Variants in ACACA observed in about 807,000 individuals in gnomAD.
ACACA encodes acetyl-CoA carboxylase alpha, also known as acetyl-CoA carboxylase 1.
In ACACA, 103 loss-of-function variants were observed where a neutral mutation model predicts 296.1. That is an observed-to-expected ratio of 0.35 (90% CI 0.30 to 0.41). ACACA has a LOEUF of 0.41. Among genes scored for constraint, ACACA ranks in the 10% least tolerant of loss-of-function variants. The pLI is 1.00. For synonymous variants in ACACA, 953 were observed against 1,038.6 expected (o/e 0.92, Z 1.58); for missense variants, 1,554 against 2,989.7 (o/e 0.52, Z 11.20).
At chr17:37,143,173 C>T (rs954649944) in intron 45 of ACACA, among the ~76,000 whole-genome samples, 1 of 150,266 alleles carries the variant, frequency 6.7e-6, no homozygotes, top group Non-Finnish European at 1.5e-5. Flanking sequence ...TAAACCTGGG[C>T]AGCCTGGCTC....
chr17:37,340,617 A>G (rs2048336425), intron 1 of ACACA, among the ~76,000 whole-genome samples: 1 of 152,214 alleles, frequency 6.6e-6, no homozygotes, highest in South Asian at 2.1e-4. Context: ...TTACACTGGT[A>G]GGGAAATCTA....
intron 27 of ACACA, among the ~76,000 whole-genome samples, chr17:37,224,509 G>A (rs764558787): frequency 5.9e-5 from 9 of 151,900 alleles, no homozygotes; most frequent in Non-Finnish European, 1.3e-4. Context: ...TCTTAAAAAC[G>A]GGCTTCTTAT....
intron 3 of ACACA, among the ~76,000 whole-genome samples, chr17:37,323,964 C>T (rs1224321929): frequency 1.3e-5 from 2 of 152,206 alleles, no homozygotes; most frequent in East Asian, 1.9e-4. Context: ...GTCCACTGGC[C>T]GGGCGCCTGT....
At position 37,243,729 on chromosome 17, in the gene ACACA, TG is replaced by T. The variant is rs2080537797; in HGVS notation, c.2743-171del. ...CGGAACCCATGTATAGAAATAGTTG[TG>T]GGTTCCATATCTCATCAATACTGTA... is the stretch of plus-strand genomic sequence containing the variant. On this transcript the variant is annotated intron_variant, in intron 21 of 55. Transcript: ENST00000616317. 5.3e-5 allele frequency among the ~76,000 whole-genome samples: 8 copies of T among 152,322 alleles called. No homozygotes were observed. In the South Asian group the frequency reaches 1.7e-3, roughly 32 times the overall value.
Position 37,224,651 on chromosome 17 carries a change from G to A in ACACA, c.3474+341C>T, listed in dbSNP as rs1393855624. On this transcript the variant is annotated intron_variant, in intron 27 of 55. Transcript: ENST00000616317. ...CATAAATCATCAGAGAAATGTGTGT[G>A]TGTATATATATATATATATCAGAAA... Among the ~76,000 whole-genome samples the A allele has an allele frequency of 3.9e-5, 6 of 152,046 alleles. No individual in the cohort carries two copies. In the East Asian group the frequency reaches 1.2e-3, roughly 29 times the overall value.
chr17:37,296,441 G>A (rs1031456430), intron 3 of ACACA, among the ~76,000 whole-genome samples: 1 of 151,630 alleles, frequency 6.6e-6, no homozygotes, highest in African/African-American at 2.4e-5. Context: ...GAGTAGCTGG[G>A]ACTAGAGGCG....
chr17:37,243,918 T>A (rs1194657321), intron 21 of ACACA, among the ~76,000 whole-genome samples: 1 of 152,222 alleles, frequency 6.6e-6, no homozygotes, highest in Non-Finnish European at 1.5e-5. Context: ...CTTGCTATGT[T>A]GATCAGGCTG....
intron 51 of ACACA, among the ~76,000 whole-genome samples, chr17:37,111,881 C>T (rs374934551): frequency 2.0e-5 from 3 of 152,114 alleles, no homozygotes; most frequent in Non-Finnish European, 2.9e-5. Context: ...CCACACCAGT[C>T]GACTTCCATT....
intron 45 of ACACA, among the ~76,000 whole-genome samples, chr17:37,137,758 T>A (rs1311033009): frequency 2.6e-5 from 4 of 152,176 alleles, no homozygotes; most frequent in Non-Finnish European, 5.9e-5. Context: ...ATTCTTTACA[T>A]GGGCTAAAAT....
chr17:37,362,324 A>T (rs1313271059), intron 1 of ACACA, among the ~76,000 whole-genome samples: 1 of 152,202 alleles, frequency 6.6e-6, no homozygotes, highest in African/African-American at 2.4e-5. Context: ...TTAGGGACTC[A>T]TCCTGAGCAT....
intron 52 of ACACA, among the ~76,000 whole-genome samples, chr17:37,103,556 A>G (rs1301479245): frequency 1.3e-5 from 2 of 152,230 alleles, no homozygotes; most frequent in Admixed American, 6.5e-5. Context: ...ATTCTTTTCT[A>G]GAATTCTACA....
intron 14 of ACACA, among the ~76,000 whole-genome samples, chr17:37,254,079 A>G (rs999454927): frequency 3.9e-5 from 6 of 152,096 alleles, no homozygotes; most frequent in African/African-American, 1.5e-4. Context: ...ACTTCCACAA[A>G]TACTAATTAT....
chr17:37,186,597 A>G (rs1598108145), intron 39 of ACACA, among the ~76,000 whole-genome samples: 1 of 152,352 alleles, frequency 6.6e-6, no homozygotes, highest in South Asian at 2.1e-4. Context: ...GTCAGTTCCC[A>G]CGTCTAGCCA....
intron 54 of ACACA, among the ~76,000 whole-genome samples, chr17:37,095,932 C>G (rs534387198): frequency 6.6e-6 from 1 of 152,290 alleles, no homozygotes; most frequent in South Asian, 2.1e-4. Context: ...ATCCCCAACA[C>G]TGAGGCTAGA....
chr17:37,393,843 T>C (rs2050982285), intron 1 of ACACA, among the ~76,000 whole-genome samples: 1 of 152,006 alleles, frequency 6.6e-6, no homozygotes, highest in South Asian at 2.1e-4. Context: ...GAGTATAATT[T>C]GGGTAACATT....
At chr17:37,142,015 T>TG (rs1489826549) in intron 45 of ACACA, among the ~76,000 whole-genome samples, 4 of 151,502 alleles carry the variant, frequency 2.6e-5, no homozygotes, top group African/African-American at 9.7e-5. Flanking sequence ...TTTTTTTGTT[T>TG]TTTTTTTTTT....
intron 29 of ACACA, among the ~76,000 whole-genome samples, chr17:37,215,439 A>T (rs1488822189): frequency 6.6e-6 from 1 of 152,204 alleles, no homozygotes; most frequent in African/African-American, 2.4e-5. Context: ...TATAAAAATC[A>T]TTTGGAGTTT....
chr17:37,299,614 G>A, intron 3 of ACACA: 1 of 1,233,640 alleles, frequency 8.1e-7, no homozygotes. Flanking sequence ...GATTTCCCAA[G>A]GGAACTGAGA....
intron 14 of ACACA, among the ~76,000 whole-genome samples, chr17:37,256,471 G>A (rs1409675307): frequency 2.0e-5 from 3 of 152,188 alleles, no homozygotes; most frequent in Non-Finnish European, 4.4e-5. Context: ...TCAAGGCTGG[G>A]TGCAGCGGCT....
Sources: gnomAD v4.1 joint callset for allele counts (sites outside exome capture counted in the v4.1 genomes callset) on GRCh38, gnomAD v4.1.1 for gene constraint, MANE v1.5 for transcripts, NCBI Gene and HGNC (gene_info 2026-07-23, HGNC 2026-07-21) for gene names.